Variants in CLINT1 observed in about 807,000 individuals in gnomAD.
The protein encoded by CLINT1 is clathrin interacting protein localized in the trans-Golgi region.
In CLINT1, 15 loss-of-function variants were observed where a neutral mutation model predicts 70.4. That is an observed-to-expected ratio of 0.21 (90% CI 0.14 to 0.33). The LOEUF is 0.33. Among genes scored for constraint, CLINT1 ranks in the 10% least tolerant of loss-of-function variants. The pLI is 1.00. For synonymous variants in CLINT1, 227 were observed against 254.7 expected, an observed-to-expected ratio of 0.89 and a Z score of 1.04; for missense variants, 615 against 778.1, an observed-to-expected ratio of 0.79 and a Z score of 2.49.
Position 157,816,824 on chromosome 5 carries a change from T to C in CLINT1, c.153A>G (p.Thr51=), listed in dbSNP as rs866915988. The change falls in exon 3 of 12, where the codon ACA becomes ACG. Residue 51 remains threonine (T), a synonymous_variant. Transcript: ENST00000411809. ...GTTCTGGAAATTGTTCATACATAAA[T>C]GTAGCCCTGAAAAAAGAATCATTCT... The part of the protein sequence containing the change: ...GQLMGEIAKA[T]FMYEQFPELM... 1.9e-6 allele frequency: 3 copies of C among 1,601,950 alleles called. No individual in the cohort carries two copies. Among genetic ancestry groups the C allele is most frequent in the Middle Eastern group, 3.3e-4 (2 of 6,028 alleles).
intron 1 of CLINT1, among the ~76,000 whole-genome samples, chr5:157,828,405 C>G (rs1017123803): frequency 5.3e-5 from 8 of 152,090 alleles, no homozygotes; most frequent in Non-Finnish European, 1.0e-4. Context: ...CAGAGGCAGT[C>G]ACCACTAGAA....
At chr5:157,812,970 T>A in intron 5 of CLINT1, 93 bp downstream of exon 5, 2 of 1,234,884 alleles carry the variant, frequency 1.6e-6, no homozygotes, top group East Asian at 2.4e-5. Context: ...GAAAAGAAAA[T>A]TAGCATTTTG....
chr5:157,814,389 A>C, intron 3 of CLINT1, 96 bp from the exon 4 acceptor site: 2 of 822,976 alleles, frequency 2.4e-6, no homozygotes, highest in South Asian at 3.3e-5. Context: ...TTAGCAAATA[A>C]AGAATCTTCA....
At chr5:157,807,836 C>CA (rs1762432467) in intron 6 of CLINT1, among the ~76,000 whole-genome samples, 1 of 152,068 alleles carries the variant, frequency 6.6e-6, no homozygotes, top group South Asian at 2.1e-4. Flanking sequence ...ACAGAACACA[C>CA]ACAGATATCT....
At chr5:157,830,757 CCTCTCTCTCTCT>C (rs373819711) in intron 1 of CLINT1, among the ~76,000 whole-genome samples, 129 of 87,406 alleles carry the variant, frequency 1.5e-3, no homozygotes, top group African/African-American at 5.1e-3. Flanking sequence ...CCTCTCTCTC[CCTCTCTCTCTCT>C]CTCTCTCTCT....
intron 1 of CLINT1, 22 bp downstream of exon 1, chr5:157,858,908 A>G (rs1202804422): frequency 2.1e-6 from 1 of 476,992 alleles, no homozygotes; most frequent in Non-Finnish European, 3.6e-6. Flanking sequence ...GGCCTCGGCC[A>G]CAACTGCCCC....
chr5:157,797,234 C>G, intron 8 of CLINT1, among the ~76,000 whole-genome samples: 1 of 152,154 alleles, frequency 6.6e-6, no homozygotes, highest in Non-Finnish European at 1.5e-5. Flanking sequence ...GTCAAGTATA[C>G]TGTTGGGTAA....
chr5:157,806,492 TG>T (rs869301674), intron 6 of CLINT1, among the ~76,000 whole-genome samples: 2 of 147,886 alleles, frequency 1.4e-5, no homozygotes, highest in Non-Finnish European at 3.0e-5. Flanking sequence ...TTGCATGTGA[TG>T]ATTATTTTCT....
At chr5:157,838,448 T>C (rs886123205) in intron 1 of CLINT1, among the ~76,000 whole-genome samples, 2 of 152,226 alleles carry the variant, frequency 1.3e-5, no homozygotes, top group African/African-American at 4.8e-5. Flanking sequence ...ATATTTCAAA[T>C]GAATTATATA....
chr5:157,807,792 AAGGAT>A (rs1488849534), intron 6 of CLINT1, among the ~76,000 whole-genome samples: 2 of 152,110 alleles, frequency 1.3e-5, no homozygotes, highest in Non-Finnish European at 2.9e-5. Context: ...AAGAAAAACT[AAGGAT>A]AGAAGGGCAA....
Position 157,791,707 on chromosome 5 carries a change from G to A in CLINT1, c.1376C>T (p.Ser459Leu). 1 of 1,609,222 alleles carries A rather than the reference G, an allele frequency of 6.2e-7. No homozygotes were observed. The highest frequency in any genetic ancestry group is 8.5e-7 in the Non-Finnish European group (1 of 1,177,206). Residue 459 changes from serine to leucine, a missense_variant, in exon 10 of 12, where the codon TCA (serine) becomes TTA (leucine). Physicochemically the swap from Ser to Leu is moderately radical, Grantham distance 145. Around this residue, in one of 2 missense-constraint regions of CLINT1, gnomAD observed 374 missense variants for 409.6 expected, o/e 0.91. Transcript: ENST00000411809. ...TVGLGLPMSR[S>L]QNTDMVQKSV... ...CAAGGGAACCAGACAACTTACCTGTGATCTTGACATAGGCAAACCAAGTCC... is the reference window on the plus strand; with the variant it reads ...CAAGGGAACCAGACAACTTACCTGTAATCTTGACATAGGCAAACCAAGTCC...
intron 8 of CLINT1, among the ~76,000 whole-genome samples, chr5:157,800,299 C>A (rs191932785): frequency 1.3e-5 from 2 of 152,164 alleles, no homozygotes; most frequent in African/African-American, 4.8e-5. Flanking sequence ...GGTACAGATG[C>A]CATATCTGCT....
At chr5:157,847,572 G>A (rs919269895) in intron 1 of CLINT1, among the ~76,000 whole-genome samples, 1 of 152,096 alleles carries the variant, frequency 6.6e-6, no homozygotes, top group Non-Finnish European at 1.5e-5. Flanking sequence ...TCTGGAAGTT[G>A]ATTCCAAACC....
chr5:157,803,766 T>A, intron 7 of CLINT1, 47 bp from the exon 8 acceptor site: 1 of 1,391,618 alleles, frequency 7.2e-7, no homozygotes, highest in Non-Finnish European at 9.8e-7. Flanking sequence ...TTTGTTTTTC[T>A]AAAAATCAGC....
chr5:157,843,843 T>C (rs1171867044), intron 1 of CLINT1, among the ~76,000 whole-genome samples: 1 of 152,220 alleles, frequency 6.6e-6, no homozygotes, highest in Middle Eastern at 3.2e-3. Context: ...GCACAATATG[T>C]GAAAATTACG....
intron 10 of CLINT1, 170 bp downstream of exon 10, chr5:157,791,533 G>GT: frequency 1.6e-6 from 1 of 640,024 alleles, no homozygotes. Context: ...CTAGGGGAGA[G>GT]TATGAGGTAA....
chr5:157,841,720 A>G (rs993898232), intron 1 of CLINT1, among the ~76,000 whole-genome samples: 2 of 152,116 alleles, frequency 1.3e-5, no homozygotes, highest in African/African-American at 4.8e-5. Context: ...TGCGGAGCTC[A>G]AGCAATTCTC....
chr5:157,789,066 G>A (rs1170142282), intron 11 of CLINT1, among the ~76,000 whole-genome samples: 2 of 150,358 alleles, frequency 1.3e-5, no homozygotes, highest in Admixed American at 6.6e-5. Context: ...TTTGTCCATC[G>A]TATTTGCCTA....
chr5:157,837,419 C>T lies in CLINT1; in HGVS notation c.42-19872G>A, dbSNP rs867050630. Reference sequence around the variant, plus strand: ...GATGGAATATATGTAAATACACACACACACACACACACACACACACATACT... The same window carrying T: ...GATGGAATATATGTAAATACACACATACACACACACACACACACACATACT... On this transcript the variant is annotated intron_variant, in intron 1 of 11. Coordinates refer to ENST00000411809, the MANE Select transcript of CLINT1 (RefSeq NM_014666.4). Among the ~76,000 whole-genome samples, 1,104 of 150,306 alleles carry T rather than the reference C, an allele frequency of 7.3e-3. 13 individuals carry two copies. The highest frequency in any genetic ancestry group is 0.025 in the African/African-American group (1,035 of 41,166).
Sources: gnomAD v4.1 joint callset for allele counts (sites outside exome capture counted in the v4.1 genomes callset) on GRCh38, gnomAD v4.1.1 for gene constraint, gnomAD v4.1.1 regional missense constraint, MANE v1.5 for transcripts, NCBI Gene and HGNC (gene_info 2026-07-23, HGNC 2026-07-21) for gene names.